HMCN1: variants seen among roughly 807,000 people sequenced by gnomAD.
The protein encoded by HMCN1 is hemicentin-1.
A neutral mutation model predicts 625.9 loss-of-function variants in HMCN1; 321 were observed. The ratio of observed to expected loss-of-function variants is 0.51; its 90% CI spans 0.47 to 0.56. The LOEUF is 0.56. Among genes scored for constraint, HMCN1 ranks in the 20% least tolerant of loss-of-function variants. The pLI is 0.00. For missense variants in HMCN1, 6,588 were observed against 6,887.3 expected (o/e 0.96, Z 1.54); for synonymous variants, 2,425 against 2,417.6 (o/e 1.00, Z -0.09).
intron 6 of HMCN1, among the ~76,000 whole-genome samples, chr1:185,912,453 G>A (rs543596426): frequency 6.6e-6 from 1 of 152,102 alleles, no homozygotes; most frequent in East Asian, 1.9e-4. Flanking sequence ...TTGTATTTTG[G>A]CAGTACGGAG....
intron 93 of HMCN1, among the ~76,000 whole-genome samples, chr1:186,149,827 G>T (rs1308802805): frequency 6.6e-6 from 1 of 152,174 alleles, no homozygotes; most frequent in Non-Finnish European, 1.5e-5. Context: ...TAATAGGGAG[G>T]CTCGAGGAGA....
intron 1 of HMCN1, among the ~76,000 whole-genome samples, chr1:185,738,589 G>A (rs913794080): frequency 6.6e-6 from 1 of 152,246 alleles, no homozygotes; most frequent in Non-Finnish European, 1.5e-5. Flanking sequence ...CAGTGGAATT[G>A]CTGGGTCATA....
At chr1:186,130,927 A>C (rs1661902810) in intron 85 of HMCN1, among the ~76,000 whole-genome samples, 2 of 152,108 alleles carry the variant, frequency 1.3e-5, no homozygotes, top group Non-Finnish European at 2.9e-5. Context: ...TTGACTTACT[A>C]ATTAACATTT....
intron 4 of HMCN1, among the ~76,000 whole-genome samples, chr1:185,890,056 G>A (rs1266720442): frequency 6.6e-6 from 1 of 151,692 alleles, no homozygotes; most frequent in Non-Finnish European, 1.5e-5. Flanking sequence ...TATGTGTCAA[G>A]GAATTTATCC....
chr1:186,148,809 T>C (rs1308056904), intron 93 of HMCN1, among the ~76,000 whole-genome samples: 2 of 152,212 alleles, frequency 1.3e-5, no homozygotes, highest in African/African-American at 4.8e-5. Context: ...AATTACTCTT[T>C]GATCCATGGC....
chr1:186,150,275 G>A (rs1296486552), intron 93 of HMCN1, among the ~76,000 whole-genome samples: 7 of 152,168 alleles, frequency 4.6e-5, no homozygotes, highest in Admixed American at 4.6e-4. Flanking sequence ...TTATGGATTT[G>A]ACTATCAGCT....
intron 40 of HMCN1, among the ~76,000 whole-genome samples, chr1:186,044,887 T>C (rs554704489): frequency 8.5e-5 from 13 of 152,256 alleles, no homozygotes; most frequent in Non-Finnish European, 1.8e-4. Flanking sequence ...CTAAGATAAA[T>C]GATTGTTTAC....
chr1:185,743,982 G>GTTTTTT lies in HMCN1; in HGVS notation c.268+8954_268+8959dup, dbSNP rs1214723950. ...TTCTACTTGATGACTTTACTGTTTTGTTTTTTTTTTTTTTTTTTTTTTTTG... is the reference window on the plus strand; with the variant it reads ...TTCTACTTGATGACTTTACTGTTTTGTTTTTTTTTTTTTTTTTTTTTTTTTTTTTTG... On this transcript the variant is annotated intron_variant, in intron 1 of 106. Transcript: ENST00000271588. Among the ~76,000 whole-genome samples the GTTTTTT allele has an allele frequency of 5.8e-3, 514 of 88,154 alleles. 2 individuals carry two copies. The highest frequency in any genetic ancestry group is 8.5e-3 in the Non-Finnish European group (389 of 45,890). 57.8% of individuals were successfully genotyped at this position (88,154 alleles called of 152,430 possible). A position where few individuals can be genotyped will look rare whatever the true frequency, so the allele number is the denominator to read the frequency against.
intron 56 of HMCN1, 57 bp from the exon 57 acceptor site, chr1:186,082,808 A>C: frequency 1.1e-6 from 1 of 907,622 alleles, no homozygotes; most frequent in Non-Finnish European, 1.7e-6. Flanking sequence ...AAATAGACAA[A>C]TATGACAAGT....
intron 36 of HMCN1, among the ~76,000 whole-genome samples, chr1:186,029,539 G>GTTT (rs34307509): frequency 2.7e-5 from 4 of 147,978 alleles, no homozygotes; most frequent in Non-Finnish European, 4.5e-5. Context: ...TTCTCCTAAA[G>GTTT]TTTTTTTTTT....
At chr1:186,038,764 T>G in intron 37 of HMCN1, 65 bp from the exon 38 acceptor site, 1 of 890,096 alleles carries the variant, frequency 1.1e-6, no homozygotes. Flanking sequence ...TTAGCTAAGA[T>G]CCAACTTAGT....
At chr1:185,968,561 G>T (rs1650584939) in intron 14 of HMCN1, among the ~76,000 whole-genome samples, 1 of 151,358 alleles carries the variant, frequency 6.6e-6, no homozygotes, top group Non-Finnish European at 1.5e-5. Context: ...TAACAGTACA[G>T]TTAAGAAGTT....
chr1:186,130,285 A>T (rs980372734), intron 84 of HMCN1, among the ~76,000 whole-genome samples, 185 bp downstream of exon 84: 15 of 152,194 alleles, frequency 9.9e-5, no homozygotes, highest in African/African-American at 3.4e-4. Flanking sequence ...GATAAGAAGT[A>T]AAGAGATCAT....
chr1:186,079,442 A>G (rs1231785620), intron 55 of HMCN1, among the ~76,000 whole-genome samples: 1 of 152,186 alleles, frequency 6.6e-6, no homozygotes, highest in African/African-American at 2.4e-5. Flanking sequence ...CCCCGTGCAC[A>G]GTGTCGCAGA....
chr1:185,873,280 T>C (rs540132606), intron 4 of HMCN1, among the ~76,000 whole-genome samples: 1 of 152,266 alleles, frequency 6.6e-6, no homozygotes, highest in African/African-American at 2.4e-5. Context: ...TGTGTCAACC[T>C]CAAAGTCTTT....
intron 1 of HMCN1, among the ~76,000 whole-genome samples, chr1:185,828,532 A>G (rs535234093): frequency 8.3e-4 from 126 of 152,264 alleles, no homozygotes; most frequent in Non-Finnish European, 1.3e-3. Context: ...AGAAATATCT[A>G]CATCTATAGA....
intron 29 of HMCN1, among the ~76,000 whole-genome samples, chr1:186,006,397 T>C (rs1653634860): frequency 1.3e-5 from 2 of 152,114 alleles, no homozygotes; most frequent in Admixed American, 1.3e-4. Context: ...TTATGGACTT[T>C]AAAGGTATGA....
intron 1 of HMCN1, among the ~76,000 whole-genome samples, chr1:185,823,620 T>C (rs1372641292): frequency 6.6e-6 from 1 of 152,186 alleles, no homozygotes; most frequent in African/African-American, 2.4e-5. Context: ...TTTGTGGTTT[T>C]AGTGAAATCC....
intron 2 of HMCN1, among the ~76,000 whole-genome samples, chr1:185,854,224 G>A (rs913149113): frequency 2.6e-5 from 4 of 152,086 alleles, no homozygotes; most frequent in African/African-American, 9.7e-5. Context: ...AGGAAAATTA[G>A]AATTTTTTCT....
Sources: allele counts gnomAD v4.1 joint callset (sites outside exome capture counted in the v4.1 genomes callset), GRCh38; gene constraint gnomAD v4.1.1; transcripts MANE v1.5; gene names NCBI Gene and HGNC (gene_info 2026-07-23, HGNC 2026-07-21).